Variants in CASZ1 observed in about 807,000 individuals in gnomAD.
The protein encoded by CASZ1 is zinc finger protein castor homolog 1.
A neutral mutation model predicts 135.2 loss-of-function variants in CASZ1; 28 were observed. That is an observed-to-expected ratio of 0.21 (90% CI 0.15 to 0.28). CASZ1 has a LOEUF of 0.28. Among genes scored for constraint, CASZ1 ranks in the 10% least tolerant of loss-of-function variants. CASZ1 has a pLI of 1.00. For synonymous variants in CASZ1, 1,068 were observed against 1,073.4 expected (o/e 0.99, Z 0.10); for missense variants, 2,161 against 2,453.3 (o/e 0.88, Z 2.52).
chr1:10,665,484 C>T lies in CASZ1; in HGVS notation c.104G>A (p.Cys35Tyr). The T allele has an allele frequency of 6.2e-7, 1 of 1,607,786 alleles. No individual in the cohort carries two copies. Among genetic ancestry groups the T allele is most frequent in the Non-Finnish European group, 8.5e-7 (1 of 1,179,662 alleles). Residue 35 changes from cysteine to tyrosine, a missense_variant, in exon 5 of 21, where the codon TGC becomes TAC. This residue lies in a region of CASZ1 where 590 missense variants were observed against 609.8 expected (regional missense o/e 0.97). Transcript: ENST00000377022. ...CACCACCTGGCGGCTCAGCTTGGCGCAGATGGCGTTCAGCTTCAGGCCACC... is the reference window on the plus strand; with the variant it reads ...CACCACCTGGCGGCTCAGCTTGGCGTAGATGGCGTTCAGCTTCAGGCCACC... Reference protein sequence around the residue: ...RKGGLKLNAICAKLSRQVVVE... With the variant: ...RKGGLKLNAIYAKLSRQVVVE...
rs1193351943 is a variant in CASZ1 at position 10,639,002 on chromosome 1, C to T, written c.5220G>A (p.Leu1740=). The T allele has an allele frequency of 3.0e-6, 3 of 985,022 alleles. No homozygotes were observed. Among genetic ancestry groups the T allele is most frequent in the East Asian group, 2.3e-4 (2 of 8,852 alleles). 61.0% of individuals were successfully genotyped at this position (985,022 alleles called of 1,614,324 possible). A position where few individuals can be genotyped will look rare whatever the true frequency, so the allele number is the denominator to read the frequency against. ...AAGAGARTPA[L]AALAALGAPG... Reference sequence around the variant, plus strand: ...GGGCGCCCAGGGCCGCCAGCGCCGCCAAGGCCGGGGTCCGCGCGCCCGCGC... The same window carrying T: ...GGGCGCCCAGGGCCGCCAGCGCCGCTAAGGCCGGGGTCCGCGCGCCCGCGC... The change falls in exon 21 of 21, where the codon TTG becomes TTA. Residue 1740 remains leucine, a synonymous_variant. Coordinates refer to ENST00000377022, the MANE Select transcript of CASZ1 (RefSeq NM_001079843.3). The surrounding 1 kb of genome is among the most constrained non-coding windows in gnomAD (Gnocchi z 4.0).
At chr1:10,705,964 A>T (rs1639163167) in intron 2 of CASZ1, among the ~76,000 whole-genome samples, 1 of 152,250 alleles carries the variant, frequency 6.6e-6, no homozygotes, top group Admixed American at 6.5e-5. Flanking sequence ...ATACAGCAGC[A>T]ACTGCTCCTT....
At chr1:10,770,035 C>T (rs1000205167) in intron 1 of CASZ1, among the ~76,000 whole-genome samples, 1 of 152,224 alleles carries the variant, frequency 6.6e-6, no homozygotes, top group Non-Finnish European at 1.5e-5. Context: ...GTCTCCCTAA[C>T]TCACAAAACA....
intron 1 of CASZ1, among the ~76,000 whole-genome samples, chr1:10,766,204 G>GCACACA (rs143572570): frequency 4.7e-4 from 70 of 148,608 alleles, no homozygotes; most frequent in Admixed American, 1.1e-3. Context: ...TTCAGCACGT[G>GCACACA]CACACACACA....
In CASZ1 at chr1:10,788,919, T is replaced by A. The variant is rs1292996238; in HGVS notation, c.-234+7645A>T. Among the ~76,000 whole-genome samples, 5 of 152,238 alleles carry A rather than the reference T, an allele frequency of 3.3e-5. No homozygotes were observed. The highest frequency in any genetic ancestry group is 5.9e-5 in the Non-Finnish European group (4 of 67,996). ...CTGCCGCTCTGCAGAACCTCGCAGA[T>A]CCTCTAAGCCACCTAGTGTCCAGAG... On this transcript the variant is annotated intron_variant, in intron 1 of 20. Coordinates refer to ENST00000377022, the MANE Select transcript of CASZ1 (RefSeq NM_001079843.3). This position sits in a 1 kb window ranked among gnomAD's most constrained non-coding sequence, Gnocchi z 4.1.
intron 18 of CASZ1, 43 bp from the exon 19 acceptor site, chr1:10,643,354 G>C: frequency 1.2e-6 from 2 of 1,603,778 alleles, no homozygotes; most frequent in East Asian, 2.2e-5. Context: ...CAGCTGGCCA[G>C]CGCTCATGGC....
rs1642095901 is a variant in CASZ1, at chr1:10,639,065, C to T, written c.5157G>A (p.Ser1719=). The T allele has an allele frequency of 8.9e-7, 1 of 1,121,568 alleles. No individual in the cohort carries two copies. The highest frequency in any genetic ancestry group is 1.1e-6 in the Non-Finnish European group (1 of 896,428). 69.5% of individuals were successfully genotyped at this position (1,121,568 alleles called of 1,614,324 possible). The change falls in exon 21 of 21, where the codon TCG becomes TCA. Residue 1719 remains serine (S), a synonymous_variant. Coordinates refer to ENST00000377022, the MANE Select transcript of CASZ1 (RefSeq NM_001079843.3). This position sits in a 1 kb window ranked among gnomAD's most constrained non-coding sequence, Gnocchi z 4.0. ...CCGCCGCCTCGGGCAGCGACTCCTC[C>T]GAGTCGGTGCGCAGGTCCTCGTCGT... ...DDDDEDLRTD[S]EESLPEAAAE...
intron 5 of CASZ1, among the ~76,000 whole-genome samples, chr1:10,661,621 A>G (rs1422617982): frequency 6.6e-6 from 1 of 151,152 alleles, no homozygotes; most frequent in Non-Finnish European, 1.5e-5. Flanking sequence ...ACAATCACAT[A>G]CAACACACAC....
At chr1:10,785,226 C>CTTT (rs1640839616) in intron 1 of CASZ1, among the ~76,000 whole-genome samples, 4 of 144,776 alleles carry the variant, frequency 2.8e-5, no homozygotes, top group African/African-American at 1.0e-4. Context: ...TCCTTATCTT[C>CTTT]CTTTCTTTCT....
Position 10,639,131 on chromosome 1 carries a change from G to GTCGTCCTCGTCC in CASZ1, c.5079_5090dup (p.Glu1693_Asp1696dup), listed in dbSNP as rs746886067. On this transcript the variant is annotated inframe_insertion, in exon 21 of 21. Coordinates refer to ENST00000377022, the MANE Select transcript of CASZ1 (RefSeq NM_001079843.3). The surrounding 1 kb of genome is among the most constrained non-coding windows in gnomAD (Gnocchi z 4.0). ...CGTCCTCGTCGTCGTCGTCCTCGTCGTCGTCCTCGTCCTCGTCGTCTTCGG... is the reference window on the plus strand; with the variant it reads ...CGTCCTCGTCGTCGTCGTCCTCGTCGTCGTCCTCGTCCTCGTCCTCGTCCTCGTCGTCTTCGG... 6.3e-4 allele frequency: 717 copies of GTCGTCCTCGTCC among 1,133,374 alleles called. 3 individuals are homozygous for GTCGTCCTCGTCC. Among genetic ancestry groups the GTCGTCCTCGTCC allele is most frequent in the Middle Eastern group, 2.9e-3 (9 of 3,136 alleles). The allele number at this position is 1,133,374 out of a possible 1,614,324, so 70.2% of individuals were successfully genotyped here. A position where few individuals can be genotyped will look rare whatever the true frequency, so the allele number is the denominator to read the frequency against.
intron 2 of CASZ1, among the ~76,000 whole-genome samples, chr1:10,754,893 C>T (rs1309178676): frequency 1.3e-5 from 2 of 152,228 alleles, no homozygotes; most frequent in South Asian, 4.1e-4. Flanking sequence ...CTTTTAATTG[C>T]TTTTCCCGAT....
rs183809529 is a variant in CASZ1, at chr1:10,720,121, C to T, written c.-76-14577G>A. On this transcript the variant is annotated intron_variant, in intron 2 of 20. Coordinates refer to ENST00000377022, the MANE Select transcript of CASZ1 (RefSeq NM_001079843.3). This position sits in a 1 kb window ranked among gnomAD's most constrained non-coding sequence, Gnocchi z 5.7. ...GCAAGTTCTGAAGTCTGGTAGGTAC[C>T]GATGGGCATGTGATCTGGCCTCTCC... is the stretch of plus-strand genomic sequence containing the variant. Among the ~76,000 whole-genome samples the T allele has an allele frequency of 1.1e-4, 16 of 152,298 alleles. No individual in the cohort carries two copies. Among genetic ancestry groups the T allele is most frequent in the Non-Finnish European group, 4.4e-5 (3 of 68,030 alleles).
intron 1 of CASZ1, among the ~76,000 whole-genome samples, chr1:10,784,032 T>C (rs1380661045): frequency 6.6e-6 from 1 of 152,144 alleles, no homozygotes; most frequent in Non-Finnish European, 1.5e-5. Flanking sequence ...GCTGACTGCC[T>C]GCCCAATTCC....
chr1:10,691,275 C>T (rs147072317), intron 4 of CASZ1, among the ~76,000 whole-genome samples: 14 of 152,278 alleles, frequency 9.2e-5, no homozygotes, highest in Non-Finnish European at 1.3e-4. Context: ...AGGACGACAT[C>T]GGCATTTTTT....
At chr1:10,772,278 C>T (rs1640590133) in intron 1 of CASZ1, among the ~76,000 whole-genome samples, 2 of 152,206 alleles carry the variant, frequency 1.3e-5, no homozygotes, top group South Asian at 4.1e-4. Context: ...AGAAAGAACA[C>T]ATCCATCAGT....
intron 20 of CASZ1, among the ~76,000 whole-genome samples, chr1:10,642,548 C>T (rs921864184): frequency 2.6e-5 from 4 of 151,948 alleles, no homozygotes; most frequent in Admixed American, 1.3e-4. Flanking sequence ...GCAGGACCGG[C>T]GCTGGGCCCA....
chr1:10,722,843 A>C (rs1297924427), intron 2 of CASZ1, among the ~76,000 whole-genome samples: 1 of 152,230 alleles, frequency 6.6e-6, no homozygotes, highest in Non-Finnish European at 1.5e-5. Context: ...TGCATGGGGC[A>C]GACACTCTCC....
intron 6 of CASZ1, 68 bp downstream of exon 6, chr1:10,659,634 T>G (rs1642938905): frequency 7.8e-7 from 1 of 1,290,142 alleles, no homozygotes; most frequent in Non-Finnish European, 1.1e-6. Context: ...GCAACCCTGG[T>G]GAGGAAGGAG....
intron 1 of CASZ1, among the ~76,000 whole-genome samples, chr1:10,782,801 G>C (rs1302735374): frequency 6.6e-6 from 1 of 152,198 alleles, no homozygotes; most frequent in African/African-American, 2.4e-5. Flanking sequence ...AGGGGGGAAG[G>C]CTGGGGCACG....
Sources: gnomAD v4.1 joint callset for allele counts (sites outside exome capture counted in the v4.1 genomes callset) on GRCh38, gnomAD v4.1.1 for gene constraint, gnomAD v4.1.1 regional missense constraint, Gnocchi (gnomAD v3.1) non-coding constraint, MANE v1.5 for transcripts, NCBI Gene and HGNC (gene_info 2026-07-23, HGNC 2026-07-21) for gene names.